HSF2BP: variants seen among roughly 807,000 people sequenced by gnomAD.
HSF2BP encodes the protein heat shock transcription factor 2 binding protein, also known as heat shock factor 2-binding protein.
In HSF2BP, 35 loss-of-function variants were observed where a neutral mutation model predicts 35.0. That is an observed-to-expected ratio of 1.00 (90% CI 0.76 to 1.32). The LOEUF (loss-of-function observed/expected upper bound fraction) is 1.32. HSF2BP is among the 40% of genes most tolerant of loss of function. The pLI, the probability that HSF2BP is intolerant of heterozygous loss-of-function variation, is 0.00. For synonymous variants in HSF2BP, 114 were observed against 117.4 expected, an observed-to-expected ratio of 0.97 and a Z score of 0.18; for missense variants, 326 against 321.7, an observed-to-expected ratio of 1.01 and a Z score of -0.10.
chr21:43,467,636 G>A, the HSF2BP span, among the ~76,000 whole-genome samples: 3 of 151,432 alleles, frequency 2.0e-5, no homozygotes, highest in South Asian at 2.1e-4. Flanking sequence ...CACAGGGGCC[G>A]GGGTCTGAGC....
intron 7 of HSF2BP, among the ~76,000 whole-genome samples, chr21:43,599,378 T>C (rs1161628590): frequency 6.6e-6 from 1 of 152,220 alleles, no homozygotes; most frequent in African/African-American, 2.4e-5. Flanking sequence ...TATGCAAATG[T>C]TTCGTCTAAT....
intron 4 of HSF2BP, among the ~76,000 whole-genome samples, chr21:43,634,429 C>T (rs1356401532): frequency 2.0e-5 from 3 of 152,050 alleles, no homozygotes; most frequent in African/African-American, 4.8e-5. Flanking sequence ...AATATAAAAC[C>T]CCAGTTAAAT....
intron 7 of HSF2BP, among the ~76,000 whole-genome samples, chr21:43,609,518 G>C (rs2082176856): frequency 6.6e-6 from 1 of 152,146 alleles, no homozygotes; most frequent in Non-Finnish European, 1.5e-5. Context: ...TGCTGAAAAT[G>C]AGTGACCTTC....
chr21:43,607,912 G>GGA (rs1220353561), intron 7 of HSF2BP, among the ~76,000 whole-genome samples: 2 of 152,126 alleles, frequency 1.3e-5, no homozygotes, highest in African/African-American at 2.4e-5. Flanking sequence ...GAATGAAACT[G>GGA]GACCACTACC....
intron 6 of HSF2BP, among the ~76,000 whole-genome samples, chr21:43,621,815 A>G (rs1326735164): frequency 6.6e-6 from 1 of 152,006 alleles, no homozygotes; most frequent in Non-Finnish European, 1.5e-5. Context: ...CTGGAAAAAG[A>G]AATACTTAAA....
chr21:43,653,910 A>G (rs917123565), intron 3 of HSF2BP, among the ~76,000 whole-genome samples: 8 of 152,116 alleles, frequency 5.3e-5, no homozygotes, highest in African/African-American at 1.9e-4. Context: ...GGTAACAAGG[A>G]AGACTCCTGG....
the HSF2BP span, among the ~76,000 whole-genome samples, chr21:43,506,038 C>T: frequency 2.3e-5 from 3 of 129,354 alleles, no homozygotes; most frequent in African/African-American, 9.5e-5. Context: ...GCTGCAGGTC[C>T]GCGGCTATTC....
At chr21:43,654,637 A>G (rs529471137) in intron 3 of HSF2BP, among the ~76,000 whole-genome samples, 6 of 152,112 alleles carry the variant, frequency 3.9e-5, no homozygotes, top group Non-Finnish European at 8.8e-5. Context: ...GCGACCTTAG[A>G]CTGATTAGGC....
intron 6 of HSF2BP, among the ~76,000 whole-genome samples, chr21:43,623,728 C>T (rs776456142): frequency 4.6e-5 from 7 of 152,114 alleles, no homozygotes; most frequent in Non-Finnish European, 8.8e-5. Context: ...TATTTGTTTG[C>T]TACCTGTTGC....
At chr21:43,637,929 A>C (rs1214294509) in intron 4 of HSF2BP, among the ~76,000 whole-genome samples, 1 of 152,222 alleles carries the variant, frequency 6.6e-6, no homozygotes, top group Non-Finnish European at 1.5e-5. Flanking sequence ...TGAAAGATTG[A>C]ATACTTTCCC....
chr21:43,595,129 A>AT (rs1416542173), intron 7 of HSF2BP, among the ~76,000 whole-genome samples: 1 of 152,112 alleles, frequency 6.6e-6, no homozygotes. Context: ...ACATGTGGTG[A>AT]TGTGTACCTG....
intron 8 of HSF2BP, among the ~76,000 whole-genome samples, chr21:43,591,879 A>G (rs754104734): frequency 4.6e-5 from 7 of 152,238 alleles, no homozygotes; most frequent in Admixed American, 2.6e-4. Context: ...TAGGTCACTC[A>G]GTAGCTATCT....
rs149350852 is a variant in HSF2BP, at chr21:43,592,268, G to A, written c.753C>T (p.Ser251=). Residue 251 remains serine, a synonymous_variant, in exon 8 of 9, where the codon AGC becomes AGT. Transcript: ENST00000291560. ...GCAAAGGGATGAATCCTGGACTCTC[G>A]CTGATGTATTTCAAGCCTTTCAAAT... The part of the protein sequence containing the change: ...SINLKGLKYI[S]ESPGFIPLLW... 630 of 1,613,608 alleles carry A rather than the reference G, an allele frequency of 3.9e-4. 2 individuals are homozygous for A. Among genetic ancestry groups the A allele is most frequent in the Non-Finnish European group, 4.8e-4 (571 of 1,179,768 alleles).
intron 3 of HSF2BP, among the ~76,000 whole-genome samples, chr21:43,651,963 C>G (rs139310065): frequency 1.3e-5 from 2 of 152,364 alleles, no homozygotes; most frequent in African/African-American, 4.8e-5. Context: ...GATGTGTCAC[C>G]TCAATCCTCT....
chr21:43,607,282 C>T (rs1292209784), intron 7 of HSF2BP, among the ~76,000 whole-genome samples: 1 of 150,218 alleles, frequency 6.7e-6, no homozygotes, highest in African/African-American at 2.5e-5. Context: ...AGGGTGAGAC[C>T]CTGTCTCAAA....
chr21:43,571,888 G>A (rs1461815355), intron 8 of HSF2BP, among the ~76,000 whole-genome samples: 3 of 148,290 alleles, frequency 2.0e-5, no homozygotes, highest in South Asian at 2.2e-4. Flanking sequence ...GGTGTAATCC[G>A]ACTGTGAAAG....
Position 43,584,665 on chromosome 21 carries a change from A to G in HSF2BP, c.796+7560T>C, listed in dbSNP as rs375466923. ...TGAATAAAAGCTTCAAACCTGCATGAAAACCAGCCTACTAATTCTCAGAAG... is the reference window on the plus strand; with the variant it reads ...TGAATAAAAGCTTCAAACCTGCATGGAAACCAGCCTACTAATTCTCAGAAG... On this transcript the variant is annotated intron_variant, in intron 8 of 8. Coordinates refer to ENST00000291560, the MANE Select transcript of HSF2BP (RefSeq NM_007031.2). Among the ~76,000 whole-genome samples the G allele has an allele frequency of 6.6e-5, 10 of 152,360 alleles. No individual in the cohort carries two copies. In the East Asian group the frequency reaches 1.3e-3, roughly 21 times the overall value.
At position 43,630,305 on chromosome 21, in the gene HSF2BP, G is replaced by A. The variant is rs751544740; in HGVS notation, c.574+17C>T. 4 of 1,601,922 alleles carry A rather than the reference G, an allele frequency of 2.5e-6. No homozygotes were observed. Among genetic ancestry groups the A allele is most frequent in the Non-Finnish European group, 3.4e-6 (4 of 1,174,634 alleles). On this transcript the variant is annotated intron_variant, in intron 6 of 8. Coordinates refer to ENST00000291560, the MANE Select transcript of HSF2BP (RefSeq NM_007031.2). ...GGAAGCAAACAGGCAACATCTCTCA[G>A]GTGCGCCTGCACTTACTCGTGACAA...
At chr21:43,593,647 T>A (rs2081953220) in intron 7 of HSF2BP, among the ~76,000 whole-genome samples, 1 of 151,892 alleles carries the variant, frequency 6.6e-6, no homozygotes, top group Admixed American at 6.6e-5. Flanking sequence ...ACCAGCCAAT[T>A]CAAAAATAAC....
Sources: allele counts gnomAD v4.1 joint callset (sites outside exome capture counted in the v4.1 genomes callset), GRCh38; gene constraint gnomAD v4.1.1; transcripts MANE v1.5; gene names NCBI Gene and HGNC (gene_info 2026-07-23, HGNC 2026-07-21).